DPP6: variants seen among roughly 807,000 people sequenced by gnomAD.
The protein encoded by DPP6 is dipeptidyl peptidase like 6, also known as A-type potassium channel modulatory protein DPP6.
DPP6 carries 69 observed loss-of-function variants against 122.6 expected under a neutral mutation model. The ratio of observed to expected loss-of-function variants is 0.56; its 90% CI spans 0.46 to 0.69. The LOEUF is 0.69. DPP6 is among the 30% of genes least tolerant of loss of function. The pLI is 0.00. For missense variants in DPP6, 928 were observed against 1,116.9 expected (o/e 0.83, Z 2.41); for synonymous variants, 418 against 433.1 (o/e 0.97, Z 0.43).
At position 154,606,616 on chromosome 7, in the gene DPP6, T is replaced by C. The variant is rs1445633856; in HGVS notation, c.628-31205T>C. ...TGCCTATAATTAGTATGATTACAGT[T>C]GAATAACAGGTTTGAACTGTGCAAG... On this transcript the variant is annotated intron_variant, in intron 5 of 25. Coordinates refer to ENST00000377770, the MANE Select transcript of DPP6 (RefSeq NM_130797.4). Among the ~76,000 whole-genome samples, 2 of 121,062 alleles carry C rather than the reference T, an allele frequency of 1.7e-5. 1 individual carries two copies. The highest frequency in any genetic ancestry group is 3.7e-5 in the Non-Finnish European group (2 of 53,750). The allele number at this position is 121,062 out of a possible 152,430, so 79.4% of individuals were successfully genotyped here.
intron 6 of DPP6, among the ~76,000 whole-genome samples, chr7:154,667,611 T>A (rs1838246276): frequency 6.6e-6 from 1 of 152,052 alleles, no homozygotes; most frequent in South Asian, 2.1e-4. Flanking sequence ...TAATCCCAGC[T>A]ACTTGGGAGG....
chr7:154,827,465 A>G (rs1800250181), intron 16 of DPP6, among the ~76,000 whole-genome samples: 1 of 151,976 alleles, frequency 6.6e-6, no homozygotes, highest in Admixed American at 6.6e-5. Flanking sequence ...AGGTGGAGGC[A>G]TCTGCCCGCC....
At chr7:153,830,850 A>G in the DPP6 span, among the ~76,000 whole-genome samples, 1 of 152,250 alleles carries the variant, frequency 6.6e-6, no homozygotes, top group South Asian at 2.1e-4. Context: ...ACGTCATTCT[A>G]TTAAATACTG....
chr7:154,451,492 C>T (rs1820374611), intron 2 of DPP6, among the ~76,000 whole-genome samples: 1 of 152,182 alleles, frequency 6.6e-6, no homozygotes, highest in South Asian at 2.1e-4. Flanking sequence ...CCAGGCCTGG[C>T]AAGCAGTAGC....
chr7:154,263,761 C>G (rs2150920039), intron 1 of DPP6, among the ~76,000 whole-genome samples: 1 of 152,222 alleles, frequency 6.6e-6, no homozygotes, highest in African/African-American at 2.4e-5. Context: ...GATCTCGGCT[C>G]CCTGCAAGCT....
At chr7:154,116,828 A>G (rs1219478422) in intron 1 of DPP6, among the ~76,000 whole-genome samples, 1 of 152,234 alleles carries the variant, frequency 6.6e-6, no homozygotes, top group Non-Finnish European at 1.5e-5. Context: ...ATAGGGTAAT[A>G]CAATTTTTTT....
In DPP6 at chr7:154,033,049, T is replaced by C. The variant is rs533941889; in HGVS notation, c.51+145315T>C. The stretch of plus-strand genomic sequence containing the variant: ...TGGGGCCTTCCAAGCTAAGCAACAG[T>C]ACTGCTAAACAGTTAAGTCTACATA... On this transcript the variant is annotated intron_variant, in intron 1 of 25. Transcript: ENST00000404039. 6.1e-4 allele frequency among the ~76,000 whole-genome samples: 93 copies of C among 151,852 alleles called. 1 individual carries two copies. Among genetic ancestry groups the C allele is most frequent in the Middle Eastern group, 3.4e-3 (1 of 294 alleles).
intron 8 of DPP6, among the ~76,000 whole-genome samples, chr7:154,731,190 A>G (rs1842323970): frequency 6.6e-6 from 1 of 151,876 alleles, no homozygotes; most frequent in Non-Finnish European, 1.5e-5. Flanking sequence ...TTCCTTTAAA[A>G]AAGTTAGGGG....
At chr7:153,923,416 CCTTT>C (rs935387774) in intron 1 of DPP6, among the ~76,000 whole-genome samples, 1 of 152,042 alleles carries the variant, frequency 6.6e-6, no homozygotes, top group African/African-American at 2.4e-5. Flanking sequence ...TTAAATTTCC[CCTTT>C]CTTAGGAAGT....
intron 5 of DPP6, among the ~76,000 whole-genome samples, chr7:154,619,745 C>T (rs577683918): frequency 5.1e-4 from 78 of 151,936 alleles, no homozygotes; most frequent in Admixed American, 3.3e-4. Flanking sequence ...CCACATTATA[C>T]GTTATACTTA....
At chr7:154,152,081 A>G (rs533203725) in intron 1 of DPP6, among the ~76,000 whole-genome samples, 3 of 150,892 alleles carry the variant, frequency 2.0e-5, no homozygotes, top group Non-Finnish European at 4.4e-5. Context: ...GGACTCTTTT[A>G]TGCCTTGGTG....
At chr7:154,557,146 C>T (rs1005730905) in intron 4 of DPP6, among the ~76,000 whole-genome samples, 32 of 152,272 alleles carry the variant, frequency 2.1e-4, no homozygotes, top group African/African-American at 6.3e-4. Context: ...TAGCACCCAT[C>T]GGGGGCATCC....
At chr7:154,201,959 A>G (rs1799196941) in intron 1 of DPP6, among the ~76,000 whole-genome samples, 1 of 152,232 alleles carries the variant, frequency 6.6e-6, no homozygotes, top group Non-Finnish European at 1.5e-5. Context: ...TCCAGAGATT[A>G]AATAAGGCAG....
chr7:154,493,784 C>G (rs1554569896), intron 3 of DPP6, among the ~76,000 whole-genome samples: 1 of 152,178 alleles, frequency 6.6e-6, no homozygotes, highest in Non-Finnish European at 1.5e-5. Flanking sequence ...ATCGGTCACA[C>G]TGTGATTGCG....
At chr7:153,880,592 G>A in the DPP6 span, among the ~76,000 whole-genome samples, 5 of 152,168 alleles carry the variant, frequency 3.3e-5, no homozygotes, top group African/African-American at 9.7e-5. Flanking sequence ...GACATGTGAC[G>A]TGAGACATGG....
At chr7:154,001,568 C>T (rs1266572516) in intron 1 of DPP6, among the ~76,000 whole-genome samples, 1 of 151,966 alleles carries the variant, frequency 6.6e-6, no homozygotes, top group Non-Finnish European at 1.5e-5. Flanking sequence ...CCACTGCTGG[C>T]AGTTTATAAA....
At chr7:154,680,828 G>A (rs1351094693) in intron 7 of DPP6, among the ~76,000 whole-genome samples, 1 of 152,058 alleles carries the variant, frequency 6.6e-6, no homozygotes, top group Non-Finnish European at 1.5e-5. Context: ...ACATGAATAA[G>A]CCGCCCATCA....
At chr7:154,617,309 A>T (rs1358031155) in intron 5 of DPP6, among the ~76,000 whole-genome samples, 1 of 152,240 alleles carries the variant, frequency 6.6e-6, no homozygotes, top group Non-Finnish European at 1.5e-5. Context: ...CTTTGGGGAT[A>T]TAAAATGTAT....
At chr7:154,405,073 G>A (rs1359604344) in intron 1 of DPP6, among the ~76,000 whole-genome samples, 1 of 152,190 alleles carries the variant, frequency 6.6e-6, no homozygotes, top group African/African-American at 2.4e-5. Context: ...ATATTTATAT[G>A]TATGTGTACA....
Sources: gnomAD v4.1 joint callset for allele counts (sites outside exome capture counted in the v4.1 genomes callset) on GRCh38, gnomAD v4.1.1 for gene constraint, MANE v1.5 for transcripts, NCBI Gene and HGNC (gene_info 2026-07-23, HGNC 2026-07-21) for gene names.